PRP4K: variants seen among roughly 807,000 people sequenced by gnomAD.
The protein encoded by PRP4K is serine/threonine-protein kinase PRP4 homolog.
chr6:4,029,350 T>C, the PRP4K span, among the ~76,000 whole-genome samples: 1 of 150,920 alleles, frequency 6.6e-6, no homozygotes, highest in African/African-American at 2.4e-5. Flanking sequence ...TTTTTTTTTT[T>C]TTTTTTTTTT....
the PRP4K span, among the ~76,000 whole-genome samples, chr6:4,046,923 G>T: frequency 6.6e-6 from 1 of 152,208 alleles, no homozygotes; most frequent in Non-Finnish European, 1.5e-5. Context: ...CTCCCAAAGT[G>T]CTGGGATTAC....
chr6:4,028,084 G>A, the PRP4K span, among the ~76,000 whole-genome samples: 2 of 152,174 alleles, frequency 1.3e-5, no homozygotes, highest in Non-Finnish European at 2.9e-5. Context: ...GGGGACAAAG[G>A]ATGAGAATAT....
At chr6:4,036,811 A>ACC in the PRP4K span, among the ~76,000 whole-genome samples, 40 of 151,612 alleles carry the variant, frequency 2.6e-4, no homozygotes, top group African/African-American at 8.5e-4. Flanking sequence ...ACATAGTGAG[A>ACC]CCCCCATCAC....
chr6:4,060,223 C>T, the PRP4K span, among the ~76,000 whole-genome samples: 1 of 152,090 alleles, frequency 6.6e-6, no homozygotes, highest in African/African-American at 2.4e-5. The surrounding 1 kb of genome is among the most constrained non-coding windows in gnomAD (Gnocchi z 4.7). Context: ...AGCAAAAATA[C>T]GGTATTCCAA....
chr6:4,057,225 T>C, the PRP4K span: 1 of 1,583,576 alleles, frequency 6.3e-7, no homozygotes, highest in Non-Finnish European at 8.6e-7. Flanking sequence ...GGTCTTAGTT[T>C]CTTATTAACT....
chr6:4,038,282 GTTTTA>G, the PRP4K span, among the ~76,000 whole-genome samples: 1 of 151,694 alleles, frequency 6.6e-6, no homozygotes, highest in Non-Finnish European at 1.5e-5. Flanking sequence ...TCAATGAGGG[GTTTTA>G]TTTTATTTTA....
At chr6:4,035,156 G>A in the PRP4K span, among the ~76,000 whole-genome samples, 2 of 144,256 alleles carry the variant, frequency 1.4e-5, no homozygotes, top group African/African-American at 5.2e-5. Context: ...TCGCTCTGTC[G>A]CCCAGGCTGG....
the PRP4K span, among the ~76,000 whole-genome samples, chr6:4,051,455 T>C: frequency 6.6e-6 from 1 of 151,882 alleles, no homozygotes; most frequent in Non-Finnish European, 1.5e-5. Flanking sequence ...TAGCTGGGAC[T>C]ACAGGCACCC....
chr6:4,044,783 T>C, the PRP4K span, among the ~76,000 whole-genome samples: 1 of 152,040 alleles, frequency 6.6e-6, no homozygotes, highest in Non-Finnish European at 1.5e-5. Context: ...TATTGGCCTT[T>C]TCCTTTACAG....
At chr6:4,027,425 G>C in the PRP4K span, among the ~76,000 whole-genome samples, 1 of 152,166 alleles carries the variant, frequency 6.6e-6, no homozygotes, top group African/African-American at 2.4e-5. Context: ...CAATAGCTTT[G>C]TCATGTTGGA....
chr6:4,043,800 A>G, the PRP4K span: 1 of 1,610,898 alleles, frequency 6.2e-7, no homozygotes, highest in Non-Finnish European at 8.5e-7. Context: ...TATCTTCTGT[A>G]TTGTTATTAC....
At chr6:4,062,618 A>G in the PRP4K span, 1 of 152,642 alleles carries the variant, frequency 6.6e-6, no homozygotes, top group Non-Finnish European at 1.5e-5. This position sits in a 1 kb window ranked among gnomAD's most constrained non-coding sequence, Gnocchi z 4.2. Flanking sequence ...TCAGAATAGC[A>G]GCATTGATTC....
At chr6:4,053,020 T>A in the PRP4K span, 4 of 735,590 alleles carry the variant, frequency 5.4e-6, no homozygotes. Context: ...TACTTTTTTA[T>A]CTTTCTTGGA....
At chr6:4,035,284 ATTTTTTTTTTTTTT>A in the PRP4K span, among the ~76,000 whole-genome samples, 18 of 58,800 alleles carry the variant, frequency 3.1e-4, no homozygotes, top group African/African-American at 6.2e-4. Flanking sequence ...CGCCCGGCTA[ATTTTTTTTTTTTTT>A]TTTTTTTTTT....
the PRP4K span, among the ~76,000 whole-genome samples, chr6:4,059,632 G>C: frequency 9.9e-6 from 1 of 100,766 alleles, no homozygotes; most frequent in Non-Finnish European, 2.0e-5. Context: ...TTGCTAACTT[G>C]GAGTTGACTT....
chr6:4,037,302 C>A, the PRP4K span: 1 of 1,147,816 alleles, frequency 8.7e-7, no homozygotes, highest in Non-Finnish European at 1.2e-6. Flanking sequence ...TTTCTTTAGG[C>A]TAATGTGCCT....
chr6:4,047,668 A>G, the PRP4K span, among the ~76,000 whole-genome samples: 1 of 152,182 alleles, frequency 6.6e-6, no homozygotes, highest in Non-Finnish European at 1.5e-5. Context: ...AGAATTGGAA[A>G]TGTTATAAGG....
At chr6:4,060,084 TCA>T in the PRP4K span, among the ~76,000 whole-genome samples, 1 of 152,352 alleles carries the variant, frequency 6.6e-6, no homozygotes, top group African/African-American at 2.4e-5. The surrounding 1 kb of genome is among the most constrained non-coding windows in gnomAD (Gnocchi z 4.7). Flanking sequence ...CAGCATACAC[TCA>T]CACACATCTA....
the PRP4K span, chr6:4,021,393 C>T: frequency 2.6e-6 from 4 of 1,565,010 alleles, no homozygotes; most frequent in Admixed American, 1.9e-5. Context: ...CGGGAGCCGC[C>T]GCCACCGCCG....
Sources: allele counts gnomAD v4.1 joint callset (sites outside exome capture counted in the v4.1 genomes callset), GRCh38; gene constraint gnomAD v4.1.1; non-coding constraint Gnocchi (gnomAD v3.1); transcripts MANE v1.5; gene names NCBI Gene and HGNC (gene_info 2026-07-23, HGNC 2026-07-21).